CCDC171: variants seen among roughly 807,000 people sequenced by gnomAD.
The protein encoded by CCDC171 is coiled-coil domain containing 171.
A neutral mutation model predicts 168.2 loss-of-function variants in CCDC171; 177 were observed. The ratio of observed to expected loss-of-function variants is 1.05; its 90% CI spans 0.93 to 1.19. CCDC171 has a LOEUF of 1.19. Among genes scored for constraint, CCDC171 ranks in the 50% most tolerant of loss-of-function variants. CCDC171 has a pLI of 0.00. For missense variants in CCDC171, 1,991 were observed against 1,539.0 expected (o/e 1.29, Z -4.91); for synonymous variants, 687 against 540.8 (o/e 1.27, Z -3.75).
chr9:15,989,942 C>A (rs1832131036), intron 3 of CCDC171, among the ~76,000 whole-genome samples: 1 of 152,184 alleles, frequency 6.6e-6, no homozygotes, highest in African/African-American at 2.4e-5. Flanking sequence ...AAGACCATAT[C>A]TATGTCTGAT....
At chr9:16,037,504 C>T (rs947798433) in intron 8 of CCDC171, among the ~76,000 whole-genome samples, 1 of 152,212 alleles carries the variant, frequency 6.6e-6, no homozygotes, top group African/African-American at 2.4e-5. Context: ...GGATAGAATA[C>T]AGAGCGAGAT....
At chr9:15,781,332 G>C (rs1249148503) in intron 20 of CCDC171, among the ~76,000 whole-genome samples, 1 of 152,158 alleles carries the variant, frequency 6.6e-6, no homozygotes, top group African/African-American at 2.4e-5. Context: ...TGAATAACTG[G>C]CTTTCAGTAA....
intron 18 of CCDC171, among the ~76,000 whole-genome samples, chr9:15,767,745 T>C (rs1339198401): frequency 6.6e-6 from 1 of 150,930 alleles, no homozygotes; most frequent in Non-Finnish European, 1.5e-5. Flanking sequence ...CTCCTGTTTC[T>C]CCTCTTTTCA....
rs748573442 is a variant in CCDC171 at position 15,657,107 on chromosome 9, A to G, written c.823-20A>G. The G allele has an allele frequency of 6.9e-7, 1 of 1,443,410 alleles. No homozygotes were observed. The highest frequency in any genetic ancestry group is 1.4e-5 in the African/African-American group (1 of 70,582). 89.4% of individuals were successfully genotyped at this position (1,443,410 alleles called of 1,614,324 possible). On this transcript the variant is annotated intron_variant, in intron 7 of 25. Transcript: ENST00000380701. ...TTAAATACCAATGTTTATGAATTTAAACTTTTAATTTGTTTTCAGGCAACT... is the reference window on the plus strand; with the variant it reads ...TTAAATACCAATGTTTATGAATTTAGACTTTTAATTTGTTTTCAGGCAACT...
chr9:15,567,018 C>A (rs796186219), intron 2 of CCDC171, among the ~76,000 whole-genome samples: 4 of 142,414 alleles, frequency 2.8e-5, no homozygotes, highest in Non-Finnish European at 6.0e-5. Context: ...ATATATTGAT[C>A]TACATGTCCT....
At chr9:15,587,388 T>G (rs1404833639) in intron 4 of CCDC171, among the ~76,000 whole-genome samples, 1 of 152,174 alleles carries the variant, frequency 6.6e-6, no homozygotes, top group African/African-American at 2.4e-5. Flanking sequence ...AATGGGAGTT[T>G]CTCTACACAA....
At chr9:15,823,075 T>C (rs908609945) in intron 21 of CCDC171, among the ~76,000 whole-genome samples, 1 of 152,132 alleles carries the variant, frequency 6.6e-6, no homozygotes, top group African/African-American at 2.4e-5. Context: ...TTCAGCAAAC[T>C]ATCGCAAGGA....
chr9:15,805,425 A>G (rs1362329038), intron 21 of CCDC171, among the ~76,000 whole-genome samples: 1 of 152,036 alleles, frequency 6.6e-6, no homozygotes, highest in African/African-American at 2.4e-5. Context: ...TGCATCCCAG[A>G]GATTTTGGTA....
At chr9:15,988,492 C>A (rs2382543) in intron 3 of CCDC171, among the ~76,000 whole-genome samples, 2 of 151,854 alleles carry the variant, frequency 1.3e-5, no homozygotes, top group African/African-American at 4.8e-5. Context: ...CAGTTCCCAG[C>A]TTGAGTGACA....
downstream of CCDC171, among the ~76,000 whole-genome samples, chr9:15,976,169 G>C (rs1478920979): frequency 6.6e-6 from 1 of 152,148 alleles, no homozygotes; most frequent in East Asian, 1.9e-4. Flanking sequence ...CCACAAGTTT[G>C]TGGTAATTTG....
At chr9:15,560,848 T>C (rs1263642823) in intron 1 of CCDC171, among the ~76,000 whole-genome samples, 2 of 118,594 alleles carry the variant, frequency 1.7e-5, no homozygotes, top group Non-Finnish European at 3.7e-5. Flanking sequence ...TGCTCTGGTT[T>C]CTCCCATCTT....
chr9:16,058,505 T>C (rs1242838648), intron 1 of CCDC171, among the ~76,000 whole-genome samples: 2 of 152,230 alleles, frequency 1.3e-5, no homozygotes, highest in African/African-American at 2.4e-5. Flanking sequence ...GGGGGCCTGT[T>C]CCTTTGCCTG....
chr9:15,933,901 G>T (rs1379515009), intron 25 of CCDC171, among the ~76,000 whole-genome samples: 1 of 151,884 alleles, frequency 6.6e-6, no homozygotes, highest in African/African-American at 2.4e-5. Context: ...ACACCAAAAG[G>T]ATAAGTGACA....
chr9:15,633,022 C>G (rs1345886435), intron 7 of CCDC171, among the ~76,000 whole-genome samples: 1 of 152,104 alleles, frequency 6.6e-6, no homozygotes, highest in Non-Finnish European at 1.5e-5. Context: ...AAAATTAATT[C>G]AAGATGGATT....
the CCDC171 span, among the ~76,000 whole-genome samples, chr9:16,072,420 C>G: frequency 2.6e-5 from 4 of 152,182 alleles, no homozygotes; most frequent in Non-Finnish European, 5.9e-5. Context: ...CTGTTTCATG[C>G]CACAGTCACC....
At chr9:15,691,048 G>A (rs1238827675) in intron 10 of CCDC171, among the ~76,000 whole-genome samples, 1 of 152,246 alleles carries the variant, frequency 6.6e-6, no homozygotes, top group African/African-American at 2.4e-5. Context: ...TCTGAAAACA[G>A]TGTGTTTCCT....
chr9:16,008,613 C>T (rs899630354), intron 3 of CCDC171, among the ~76,000 whole-genome samples: 1 of 152,166 alleles, frequency 6.6e-6, no homozygotes, highest in Non-Finnish European at 1.5e-5. Flanking sequence ...TTTCTGGTCC[C>T]CTGTTCTTGC....
rs941169437 is a variant in CCDC171 at position 16,030,904 on chromosome 9, A to T, written n.999-4553A>T. Among the ~76,000 whole-genome samples, 7 of 152,152 alleles carry T rather than the reference A, an allele frequency of 4.6e-5. 1 individual carries two copies. Among genetic ancestry groups the T allele is most frequent in the Admixed American group, 3.3e-4 (5 of 15,276 alleles). On this transcript the variant is annotated intron_variant and non_coding_transcript_variant, in intron 6 of 9. Transcript: ENST00000486641. ...GGAGGGAAAATCAACATGAAGATTAATGGACTTCAAAGCAGAAAGAGAATG... is the reference window on the plus strand; with the variant it reads ...GGAGGGAAAATCAACATGAAGATTATTGGACTTCAAAGCAGAAAGAGAATG...
At chr9:15,775,678 AT>A (rs2057286078) in intron 18 of CCDC171, among the ~76,000 whole-genome samples, 1 of 152,112 alleles carries the variant, frequency 6.6e-6, no homozygotes, top group Non-Finnish European at 1.5e-5. Flanking sequence ...TCTGTGAAAA[AT>A]TTTTTTGTAT....
Sources: allele counts gnomAD v4.1 joint callset (sites outside exome capture counted in the v4.1 genomes callset), GRCh38; gene constraint gnomAD v4.1.1; transcripts MANE v1.5; gene names NCBI Gene and HGNC (gene_info 2026-07-23, HGNC 2026-07-21).